DNM2: variants seen among roughly 807,000 people sequenced by gnomAD.
The protein encoded by DNM2 is dynamin-2.
Under a neutral mutation model 99.0 loss-of-function variants are expected in DNM2, and 15 were observed. That is an observed-to-expected ratio of 0.15 (90% CI 0.10 to 0.23). DNM2 has a LOEUF of 0.23. Ranked by LOEUF, DNM2 falls within the 10% of genes least tolerant of loss-of-function variation. The pLI, the probability that DNM2 is intolerant of heterozygous loss-of-function variation, is 1.00. For missense variants in DNM2, 742 were observed against 1,189.4 expected, an observed-to-expected ratio of 0.62 and a Z score of 5.53; for synonymous variants, 525 against 481.2, an observed-to-expected ratio of 1.09 and a Z score of -1.19.
intron 5 of DNM2, among the ~76,000 whole-genome samples, chr19:10,778,920 T>C (rs1012238203): frequency 1.3e-5 from 2 of 151,980 alleles, no homozygotes; most frequent in African/African-American, 4.8e-5. Context: ...TTTAAAAATA[T>C]TTTAAATATT....
chr19:10,783,078 C>G lies in DNM2; in HGVS notation c.807C>G (p.Ala269=). The G allele has an allele frequency of 6.2e-7, 1 of 1,613,706 alleles. No homozygotes were observed. Among genetic ancestry groups the G allele is most frequent in the Non-Finnish European group, 8.5e-7 (1 of 1,180,048 alleles). ...FLSHPAYRHM[A]DRMGTPHLQK... The stretch of plus-strand genomic sequence containing the variant: ...CCCACCCGGCCTACCGGCACATGGC[C>G]GACCGCATGGGCACGCCACATCTGC... Residue 269 remains alanine, a synonymous_variant, in exon 6 of 21, where the codon GCC becomes GCG. Transcript: ENST00000389253.
At chr19:10,754,452 C>T (rs188457837) in intron 1 of DNM2, among the ~76,000 whole-genome samples, 27 of 152,118 alleles carry the variant, frequency 1.8e-4, no homozygotes, top group Middle Eastern at 3.4e-3. Context: ...GGGGTTTTAC[C>T]GTGTTGGCCA....
chr19:10,737,298 C>A (rs2069565363), intron 1 of DNM2, among the ~76,000 whole-genome samples: 1 of 152,070 alleles, frequency 6.6e-6, no homozygotes, highest in Admixed American at 6.6e-5. Flanking sequence ...CACTGCCCTT[C>A]CCCCAGATAA....
chr19:10,798,341 T>G, intron 10 of DNM2, 145 bp from the exon 11 acceptor site: 1 of 685,484 alleles, frequency 1.5e-6, no homozygotes, highest in Non-Finnish European at 2.7e-6. Context: ...CTGGACTCAC[T>G]GGGGGCCAGG....
intron 15 of DNM2, among the ~76,000 whole-genome samples, chr19:10,814,873 C>G (rs967928267): frequency 6.6e-6 from 1 of 152,202 alleles, no homozygotes; most frequent in Non-Finnish European, 1.5e-5. Flanking sequence ...GCTTAGTGGC[C>G]TGGAAGGGAA....
chr19:10,766,005 A>G (rs142464409), intron 2 of DNM2, among the ~76,000 whole-genome samples: 2 of 152,306 alleles, frequency 1.3e-5, no homozygotes, highest in Non-Finnish European at 2.9e-5. Context: ...TCGCAGTCAT[A>G]TGGGAGCCCC....
Position 10,796,994 on chromosome 19 carries a change from A to T in DNM2, c.1197-386A>T, listed in dbSNP as rs1360280895. Among the ~76,000 whole-genome samples the T allele has an allele frequency of 6.6e-6, 1 of 152,054 alleles. No individual in the cohort carries two copies. The highest frequency in any genetic ancestry group is 2.1e-4 in the South Asian group (1 of 4,828). On this transcript the variant is annotated intron_variant, in intron 9 of 20. Coordinates refer to ENST00000389253, the MANE Select transcript of DNM2 (RefSeq NM_001005361.3). The surrounding 1 kb of genome is among the most constrained non-coding windows in gnomAD (Gnocchi z 5.6). The stretch of plus-strand genomic sequence containing the variant: ...TTGAGCCCCTCTGTTCTTAGTCTGG[A>T]AAAGCCCACATTTGCTGCTTAAGCT...
chr19:10,831,185 C>T lies in DNM2; in HGVS notation c.*138C>T. On this transcript the variant is annotated 3_prime_UTR_variant, in exon 21 of 21. Coordinates refer to ENST00000389253, the MANE Select transcript of DNM2 (RefSeq NM_001005361.3). The surrounding 1 kb of genome is among the most constrained non-coding windows in gnomAD (Gnocchi z 4.3). ...CCCTGGCCTCTTCCTTAACGCTGGCCCCGGTCCAGGGCCGGCCCCTGTGCC... is the reference window on the plus strand; with the variant it reads ...CCCTGGCCTCTTCCTTAACGCTGGCTCCGGTCCAGGGCCGGCCCCTGTGCC... The T allele has an allele frequency of 5.7e-6, 8 of 1,413,788 alleles. No homozygotes were observed. The highest frequency in any genetic ancestry group is 7.4e-6 in the Non-Finnish European group (8 of 1,087,032). 87.6% of individuals were successfully genotyped at this position (1,413,788 alleles called of 1,614,324 possible).
At position 10,820,564 on chromosome 19, in the gene DNM2, G is replaced by A. The variant is rs1241306161; in HGVS notation, c.1781+475G>A. On this transcript the variant is annotated intron_variant, in intron 16 of 20. Transcript: ENST00000389253. This position sits in a 1 kb window ranked among gnomAD's most constrained non-coding sequence, Gnocchi z 4.3. ...GTGGGCATGGATATGAGAGAGAAAG[G>A]CACCAATTGTGACCCTGAGTACGTG... Among the ~76,000 whole-genome samples the A allele has an allele frequency of 6.6e-6, 1 of 152,224 alleles. No individual in the cohort carries two copies. Among genetic ancestry groups the A allele is most frequent in the East Asian group, 1.9e-4 (1 of 5,198 alleles).
rs1200159036 is a variant in DNM2 at position 10,772,240 on chromosome 19, A to G, written c.236-239A>G. On this transcript the variant is annotated intron_variant, in intron 2 of 20. Transcript: ENST00000389253. This position sits in a 1 kb window ranked among gnomAD's most constrained non-coding sequence, Gnocchi z 4.9. ...GACTACAGGCATGTGCCACCATGCC[A>G]GGCTAATTTTTTGTATTTTTAGTAG... Among the ~76,000 whole-genome samples, 1 of 151,580 alleles carries G rather than the reference A, an allele frequency of 6.6e-6. No homozygotes were observed. The highest frequency in any genetic ancestry group is 1.5e-5 in the Non-Finnish European group (1 of 67,874).
intron 1 of DNM2, among the ~76,000 whole-genome samples, chr19:10,738,260 A>T (rs1259537031): frequency 1.3e-5 from 2 of 151,982 alleles, no homozygotes; most frequent in Admixed American, 6.6e-5. Flanking sequence ...TCCATCTCAA[A>T]AAATAAATAA....
At position 10,777,096 on chromosome 19, in the gene DNM2, T is replaced by C. The variant is rs528614122; in HGVS notation, c.590-22T>C. On this transcript the variant is annotated intron_variant, in intron 4 of 20. Coordinates refer to ENST00000389253, the MANE Select transcript of DNM2 (RefSeq NM_001005361.3). Reference sequence around the variant, plus strand: ...TCTTTCCTGGTGGCAGCCTCTGACCTCTGACCTCTGGGCTCTTTCAGGCCT... The same window carrying C: ...TCTTTCCTGGTGGCAGCCTCTGACCCCTGACCTCTGGGCTCTTTCAGGCCT... 12 of 1,613,900 alleles carry C rather than the reference T, an allele frequency of 7.4e-6. No individual in the cohort carries two copies. The South Asian group carries it at 1.3e-4, about 18-fold the overall frequency.
Position 10,734,714 on chromosome 19 carries a change from TAA to T in DNM2, c.161+16319_161+16320del, listed in dbSNP as rs546377594. ...CAATTTTTCCCATATGAGACTAATT[TAA>T]AAAAAAATTTTTTTTTTTTATCGAG... On this transcript the variant is annotated intron_variant, in intron 1 of 20. Transcript: ENST00000389253. 1.6e-4 allele frequency among the ~76,000 whole-genome samples: 23 copies of T among 145,828 alleles called. 1 individual carries two copies. The East Asian group carries it at 2.5e-3, about 16-fold the overall frequency.
Position 10,796,147 on chromosome 19 carries a change from T to C in DNM2, c.1196+708T>C, listed in dbSNP as rs908416851. 10 of 1,614,174 alleles carry C rather than the reference T, an allele frequency of 6.2e-6. No individual in the cohort carries two copies. The highest frequency in any genetic ancestry group is 8.5e-6 in the Non-Finnish European group (10 of 1,180,020). On this transcript the variant is annotated intron_variant, in intron 9 of 20. Coordinates refer to ENST00000389253, the MANE Select transcript of DNM2 (RefSeq NM_001005361.3). The surrounding 1 kb of genome is among the most constrained non-coding windows in gnomAD (Gnocchi z 5.6). ...CTGAAAGAGCCCTGTCTGAAATGTG[T>C]CGACCTGGTTATCCAGGAGCTAATC...
Position 10,764,907 on chromosome 19 carries a change from T to G in DNM2, c.235+5096T>G, listed in dbSNP as rs2070745165. On this transcript the variant is annotated intron_variant, in intron 2 of 20. Transcript: ENST00000389253. The surrounding 1 kb of genome is among the most constrained non-coding windows in gnomAD (Gnocchi z 4.1). ...CACCCGCACCTGGTCACTTGCCGCC[T>G]TCGTTCCCCGGTCCCCGGCAGCACG... Among the ~76,000 whole-genome samples the G allele has an allele frequency of 6.6e-6, 1 of 152,070 alleles. No homozygotes were observed. The highest frequency in any genetic ancestry group is 2.4e-5 in the African/African-American group (1 of 41,394).
chr19:10,831,368 A>G lies in DNM2; in HGVS notation c.*321A>G, dbSNP rs149937994. On this transcript the variant is annotated 3_prime_UTR_variant, in exon 21 of 21. Transcript: ENST00000389253. The surrounding 1 kb of genome is among the most constrained non-coding windows in gnomAD (Gnocchi z 4.3). ...GGTCCAGCCTGGGGGGGACTCTACC[A>G]AGGTCTTCTTGGGCTGGGAAAGCCC... 6.6e-5 allele frequency: 74 copies of G among 1,117,074 alleles called. No homozygotes were observed. In the African/African-American group the frequency reaches 9.8e-4, roughly 15 times the overall value. 69.2% of individuals were successfully genotyped at this position (1,117,074 alleles called of 1,614,324 possible).
chr19:10,758,086 T>G (rs2070462110), intron 1 of DNM2, among the ~76,000 whole-genome samples: 1 of 152,116 alleles, frequency 6.6e-6, no homozygotes, highest in East Asian at 1.9e-4. Flanking sequence ...ACTGGAAAGC[T>G]TTCATTTTCC....
intron 1 of DNM2, among the ~76,000 whole-genome samples, chr19:10,721,284 G>A (rs1249185247): frequency 1.3e-5 from 2 of 152,138 alleles, no homozygotes; most frequent in Non-Finnish European, 2.9e-5. Flanking sequence ...AGCCTCCCGA[G>A]TAGCTGGGAT....
chr19:10,779,502 C>CTTTTTTTTTTTTT lies in DNM2; in HGVS notation c.688+2299_688+2311dup, dbSNP rs55819116. 2.1e-3 allele frequency among the ~76,000 whole-genome samples: 63 copies of CTTTTTTTTTTTTT among 29,624 alleles called. 6 individuals carry two copies. Among genetic ancestry groups the CTTTTTTTTTTTTT allele is most frequent in the South Asian group, 3.6e-3 (2 of 554 alleles). 19.4% of individuals were successfully genotyped at this position (29,624 alleles called of 152,430 possible). On this transcript the variant is annotated intron_variant, in intron 5 of 20. Transcript: ENST00000389253. ...TCTTTCTTTCTTTCTTTCTTTCTTT[C>CTTTTTTTTTTTTT]TTTTTTTTTTTTTTTTTTTTTTTTT... is the stretch of plus-strand genomic sequence containing the variant.
Sources: allele counts gnomAD v4.1 joint callset (sites outside exome capture counted in the v4.1 genomes callset), GRCh38; gene constraint gnomAD v4.1.1; non-coding constraint Gnocchi (gnomAD v3.1); transcripts MANE v1.5; gene names NCBI Gene and HGNC (gene_info 2026-07-23, HGNC 2026-07-21).